Variants in MYOM3 observed in about 807,000 individuals in gnomAD.
MYOM3 encodes myomesin 3.
In MYOM3, 155 loss-of-function variants were observed where a neutral mutation model predicts 191.7. The observed-to-expected ratio is 0.81, with a 90% CI of 0.71 to 0.92. The LOEUF is 0.92. Ranked by LOEUF, MYOM3 falls within the 40% of genes least tolerant of loss-of-function variation. The pLI is 0.00. For missense variants in MYOM3, 1,889 were observed against 1,890.6 expected, an observed-to-expected ratio of 1.00 and a Z score of 0.02; for synonymous variants, 757 against 762.9, an observed-to-expected ratio of 0.99 and a Z score of 0.13.
chr1:24,097,354 C>T (rs1170161510), intron 7 of MYOM3, among the ~76,000 whole-genome samples: 1 of 152,188 alleles, frequency 6.6e-6, no homozygotes, highest in Non-Finnish European at 1.5e-5. Flanking sequence ...GTAGGTTGTG[C>T]TCTGTGCAAA....
chr1:24,065,463 C>T (rs71575788), intron 29 of MYOM3, among the ~76,000 whole-genome samples: 1 of 152,170 alleles, frequency 6.6e-6, no homozygotes, highest in African/African-American at 2.4e-5. Flanking sequence ...TGGAGACATC[C>T]TTCCTGTCCC....
chr1:24,065,953 C>T lies in MYOM3; in HGVS notation c.3472G>A (p.Ala1158Thr). The change falls in exon 29 of 37, where the codon GCA (alanine) becomes ACA (threonine). Residue 1158 changes from alanine (A) to threonine (T), a missense_variant. Coordinates refer to ENST00000374434, the MANE Select transcript of MYOM3 (RefSeq NM_152372.4). Reference sequence around the variant, plus strand: ...TCATACTGACCATCTGGCATCTCTGCCCTCTGGAAGAACCACTGAAAGCGA... The same window carrying T: ...TCATACTGACCATCTGGCATCTCTGTCCTCTGGAAGAACCACTGAAAGCGA... The part of the protein sequence containing the change: ...ETRFQWFFQR[A>T]EMPDGQYDPE... 6.2e-7 allele frequency: 1 copy of T among 1,614,172 alleles called. No individual in the cohort carries two copies. The highest frequency in any genetic ancestry group is 8.5e-7 in the Non-Finnish European group (1 of 1,180,004).
chr1:24,064,860 C>G (rs191863936), intron 29 of MYOM3, among the ~76,000 whole-genome samples: 1 of 152,332 alleles, frequency 6.6e-6, no homozygotes, highest in East Asian at 1.9e-4. Flanking sequence ...CAAAAGTCCT[C>G]TCTTATGTCC....
chr1:24,076,328 C>T, intron 20 of MYOM3, 55 bp from the exon 21 acceptor site: 6 of 1,370,248 alleles, frequency 4.4e-6, no homozygotes, highest in Non-Finnish European at 6.3e-6. Flanking sequence ...CTTCCTGAAA[C>T]CTGGGCCCCA....
At chr1:24,079,444 C>T (rs1643641611) in intron 20 of MYOM3, among the ~76,000 whole-genome samples, 1 of 152,072 alleles carries the variant, frequency 6.6e-6, no homozygotes. Context: ...AGCAATCCTC[C>T]CACCTCGGCC....
intron 4 of MYOM3, among the ~76,000 whole-genome samples, chr1:24,106,864 C>T (rs1643987697): frequency 6.6e-6 from 1 of 152,212 alleles, no homozygotes; most frequent in South Asian, 2.1e-4. Flanking sequence ...CCACTGCGCC[C>T]AGCCCAATTT....
intron 4 of MYOM3, 35 bp downstream of exon 4, chr1:24,107,038 C>T (rs971975069): frequency 6.4e-7 from 1 of 1,574,076 alleles, no homozygotes; most frequent in Non-Finnish European, 8.6e-7. Flanking sequence ...CGTCGCAGGT[C>T]CCAGGCCCTG....
At position 24,063,535 on chromosome 1, in the gene MYOM3, C is replaced by A. The variant is rs201198751; in HGVS notation, c.3623-5G>T. On this transcript the variant is annotated splice_polypyrimidine_tract_variant and splice_region_variant and intron_variant, in intron 30 of 36. Coordinates refer to ENST00000374434, the MANE Select transcript of MYOM3 (RefSeq NM_152372.4). This position sits in a 1 kb window ranked among gnomAD's most constrained non-coding sequence, Gnocchi z 4.5. Reference sequence around the variant, plus strand: ...CGGTGAAGATGGCATCCAGGGCTGGCGGGAAACAGAGAGAAGGGTTAGCTG... The same window carrying A: ...CGGTGAAGATGGCATCCAGGGCTGGAGGGAAACAGAGAGAAGGGTTAGCTG... The A allele has an allele frequency of 6.2e-7, 1 of 1,614,022 alleles. No individual in the cohort carries two copies. Among genetic ancestry groups the A allele is most frequent in the Non-Finnish European group, 8.5e-7 (1 of 1,179,988 alleles).
intron 21 of MYOM3, among the ~76,000 whole-genome samples, chr1:24,075,763 T>A (rs1192807427): frequency 6.6e-6 from 1 of 152,206 alleles, no homozygotes; most frequent in Non-Finnish European, 1.5e-5. Context: ...CATGCAATAG[T>A]TTACTTGTTT....
At position 24,061,962 on chromosome 1, in the gene MYOM3, T is replaced by G; in HGVS notation, c.3918A>C (p.Thr1306=). ...AAGKEVRQLS[T]DLSGQAFEDA... is the part of the protein sequence containing the mutation. ...ATGGCTCACCTTGCCCTGAGAGATC[T>G]GTTGAGAGCTGCCGGACTTCCTTCC... Residue 1306 remains threonine, a synonymous_variant, in exon 33 of 37, where the codon ACA becomes ACC. Coordinates refer to ENST00000374434, the MANE Select transcript of MYOM3 (RefSeq NM_152372.4). 6.2e-7 allele frequency: 1 copy of G among 1,614,198 alleles called. No homozygotes were observed. The highest frequency in any genetic ancestry group is 8.5e-7 in the Non-Finnish European group (1 of 1,180,022).
chr1:24,084,734 G>C, intron 15 of MYOM3, 95 bp from the exon 16 acceptor site: 1 of 1,129,210 alleles, frequency 8.9e-7, no homozygotes, highest in African/African-American at 1.6e-5. Flanking sequence ...GCCAGAAGGA[G>C]CTCCCACAGC....
chr1:24,074,174 G>A lies in MYOM3; in HGVS notation c.2954C>T (p.Thr985Met), dbSNP rs1643568020. The change falls in exon 23 of 37, where the codon ACG (threonine) becomes ATG (methionine). Residue 985 changes from threonine to methionine, a missense_variant. Coordinates refer to ENST00000374434, the MANE Select transcript of MYOM3 (RefSeq NM_152372.4). The part of the protein sequence containing the change: ...DADEDISASH[T>M]LTEEELEKLK... ...AGGTGCATTACCTTCCTCGGTTAGC[G>A]TGTGGCTTGCGGAGATGTCTTCATC... 2.5e-6 allele frequency: 4 copies of A among 1,613,380 alleles called. No homozygotes were observed. Among genetic ancestry groups the A allele is most frequent in the Non-Finnish European group, 2.5e-6 (3 of 1,179,416 alleles).
rs151309874 is a variant in MYOM3 at position 24,058,330 on chromosome 1, G to A, written c.4050+594C>T. On this transcript the variant is annotated intron_variant, in intron 36 of 36. Transcript: ENST00000374434. The stretch of plus-strand genomic sequence containing the variant: ...AAGCTCTAATGCAGAGCACTATAAT[G>A]TAATTATTAAACACACAGGCTCTGG... Among the ~76,000 whole-genome samples the A allele has an allele frequency of 2.2e-3, 333 of 152,272 alleles. 4 individuals are homozygous for A. The highest frequency in any genetic ancestry group is 7.7e-3 in the African/African-American group (320 of 41,552).
chr1:24,109,228 ACT>A (rs1268841901), intron 1 of MYOM3, among the ~76,000 whole-genome samples: 1 of 151,968 alleles, frequency 6.6e-6, no homozygotes, highest in Non-Finnish European at 1.5e-5. Flanking sequence ...TAGCAGAGAG[ACT>A]CTGAGTCCAG....
chr1:24,083,147 C>G (rs182358697), intron 16 of MYOM3: 2 of 153,944 alleles, frequency 1.3e-5, no homozygotes, highest in Non-Finnish European at 2.9e-5. Flanking sequence ...TCCAGAGACA[C>G]GCAAGGATGC....
At position 24,086,815 on chromosome 1, in the gene MYOM3, T is replaced by C; in HGVS notation, c.1627A>G (p.Ser543Gly). The stretch of plus-strand genomic sequence containing the variant: ...GAGCTGATGGCCTCCCAGGTGCCAC[T>C]ACCTATGACTGACTGAAGAAACAGA... Reference protein sequence around the residue: ...TYSLEKSVIGSGTWEAISSES... With the variant: ...TYSLEKSVIGGGTWEAISSES... The change falls in exon 15 of 37, where the codon AGT becomes GGT. Residue 543 changes from serine to glycine, a missense_variant. Coordinates refer to ENST00000374434, the MANE Select transcript of MYOM3 (RefSeq NM_152372.4). 3 of 1,614,026 alleles carry C rather than the reference T, an allele frequency of 1.9e-6. No individual in the cohort carries two copies. Among genetic ancestry groups the C allele is most frequent in the Non-Finnish European group, 2.5e-6 (3 of 1,179,928 alleles).
intron 29 of MYOM3, 141 bp from the exon 30 acceptor site, chr1:24,064,300 C>T (rs1643409300): frequency 3.3e-6 from 2 of 612,574 alleles, no homozygotes; most frequent in East Asian, 5.9e-5. Context: ...CCCTGGGCCT[C>T]CATTTACTCA....
chr1:24,086,872 C>G (rs1356414503), intron 14 of MYOM3, 45 bp from the exon 15 acceptor site: 1 of 1,586,650 alleles, frequency 6.3e-7, no homozygotes, highest in South Asian at 1.2e-5. Flanking sequence ...GTCGCCCAGA[C>G]CGGCTCTGTG....
chr1:24,082,040 A>C lies in MYOM3; in HGVS notation c.2241T>G (p.His747Gln), dbSNP rs1461640864. ...DQHDSEELDWHAVNQQPIPTR... is the reference protein window; with the variant it reads ...DQHDSEELDWQAVNQQPIPTR... ...TGGGGATGGGCTGCTGATTGACCGCATGCCAGTCCAGCTCTTCCGAGTCAT... is the reference window on the plus strand; with the variant it reads ...TGGGGATGGGCTGCTGATTGACCGCCTGCCAGTCCAGCTCTTCCGAGTCAT... The change falls in exon 18 of 37, where the codon CAT becomes CAG. Residue 747 changes from histidine to glutamine, a missense_variant. Physicochemically the swap from His to Gln is conservative, Grantham distance 24 (BLOSUM62 0). Coordinates refer to ENST00000374434, the MANE Select transcript of MYOM3 (RefSeq NM_152372.4). 3 of 1,612,266 alleles carry C rather than the reference A, an allele frequency of 1.9e-6. No homozygotes were observed. The Admixed American group carries it at 5.0e-5, about 27-fold the overall frequency.
Sources: gnomAD v4.1 joint callset for allele counts (sites outside exome capture counted in the v4.1 genomes callset) on GRCh38, gnomAD v4.1.1 for gene constraint, Gnocchi (gnomAD v3.1) non-coding constraint, MANE v1.5 for transcripts, NCBI Gene and HGNC (gene_info 2026-07-23, HGNC 2026-07-21) for gene names.